RBFOX1: variants seen among roughly 807,000 people sequenced by gnomAD.
RBFOX1 encodes the protein RNA binding fox-1 homolog 1, also known as RNA binding protein fox-1 homolog 1.
In RBFOX1, 8 loss-of-function variants were observed where a neutral mutation model predicts 57.7. The ratio of observed to expected loss-of-function variants is 0.14; its 90% CI spans 0.08 to 0.25. RBFOX1 has a LOEUF of 0.25. Ranked by LOEUF, RBFOX1 falls within the 10% of genes least tolerant of loss-of-function variation. The probability of loss-of-function intolerance (pLI) is 1.00; values close to 1 mark genes in which losing one functional copy is unlikely to be tolerated. For synonymous variants in RBFOX1, 326 were observed against 222.4 expected (o/e 1.47, Z -4.15); for missense variants, 611 against 548.5 (o/e 1.11, Z -1.14).
chr16:5,466,385 G>C (rs1009137511), intron 1 of RBFOX1, among the ~76,000 whole-genome samples: 4 of 152,074 alleles, frequency 2.6e-5, no homozygotes, highest in African/African-American at 9.7e-5. Context: ...GCTGCATTTG[G>C]TGAGGGGAGG....
chr16:6,683,024 C>G (rs374023347), intron 3 of RBFOX1, among the ~76,000 whole-genome samples: 5 of 152,134 alleles, frequency 3.3e-5, no homozygotes, highest in African/African-American at 9.6e-5. Flanking sequence ...GACAGCTTCT[C>G]CATCCATATG....
intron 3 of RBFOX1, among the ~76,000 whole-genome samples, chr16:6,795,394 C>T (rs1287712116): frequency 6.6e-6 from 1 of 152,140 alleles, no homozygotes; most frequent in Non-Finnish European, 1.5e-5. Context: ...AAAAAATCAG[C>T]TCTGGGGAGT....
intron 1 of RBFOX1, among the ~76,000 whole-genome samples, chr16:5,306,824 C>T (rs1440491060): frequency 6.6e-6 from 1 of 152,162 alleles, no homozygotes; most frequent in Non-Finnish European, 1.5e-5. Flanking sequence ...CATCACATCA[C>T]AGCTGGATCA....
chr16:6,801,138 T>G (rs1207279295), intron 3 of RBFOX1, among the ~76,000 whole-genome samples: 1 of 149,690 alleles, frequency 6.7e-6, no homozygotes, highest in East Asian at 2.0e-4. Flanking sequence ...TCTGATATGC[T>G]CCTAGGTGAT....
intron 4 of RBFOX1, among the ~76,000 whole-genome samples, chr16:7,247,268 G>A (rs532867298): frequency 2.2e-4 from 33 of 152,244 alleles, no homozygotes; most frequent in Non-Finnish European, 4.3e-4. Flanking sequence ...GCCTTTAACC[G>A]CATCACACTC....
chr16:6,697,954 C>T (rs1397197723), intron 3 of RBFOX1, among the ~76,000 whole-genome samples: 1 of 152,114 alleles, frequency 6.6e-6, no homozygotes, highest in Non-Finnish European at 1.5e-5. Context: ...AGGAACCAAC[C>T]AGAGAGTTGA....
rs919833019 is a variant in RBFOX1, at chr16:7,018,439, T to A, written c.-15-33618T>A. Among the ~76,000 whole-genome samples, 16 of 152,182 alleles carry A rather than the reference T, an allele frequency of 1.1e-4. 1 individual carries two copies. The highest frequency in any genetic ancestry group is 3.9e-4 in the African/African-American group (16 of 41,452). ...TGTTCATGAATATTGTCTTAATTGCTCCTGTTTTTGAAATACAACGTCTAA... is the reference window on the plus strand; with the variant it reads ...TGTTCATGAATATTGTCTTAATTGCACCTGTTTTTGAAATACAACGTCTAA... On this transcript the variant is annotated intron_variant, in intron 3 of 15. Transcript: ENST00000550418.
At chr16:6,507,150 C>A (rs1342786692) in intron 2 of RBFOX1, among the ~76,000 whole-genome samples, 1 of 152,160 alleles carries the variant, frequency 6.6e-6, no homozygotes, top group Non-Finnish European at 1.5e-5. Flanking sequence ...CATCGTTCCT[C>A]ACCTCCACTG....
At chr16:6,788,637 A>G (rs540358318) in intron 3 of RBFOX1, among the ~76,000 whole-genome samples, 69 of 151,450 alleles carry the variant, frequency 4.6e-4, no homozygotes, top group African/African-American at 1.6e-3. Context: ...GACCATGCCC[A>G]GCTGATTGTT....
At chr16:7,341,566 C>T (rs528589453) in intron 4 of RBFOX1, among the ~76,000 whole-genome samples, 9 of 152,150 alleles carry the variant, frequency 5.9e-5, no homozygotes, top group African/African-American at 1.9e-4. Flanking sequence ...CTCAGTATGA[C>T]GTCTTCATTG....
At chr16:7,112,692 C>CTGTGTGTG (rs757846921) in intron 4 of RBFOX1, among the ~76,000 whole-genome samples, 2 of 141,394 alleles carry the variant, frequency 1.4e-5, no homozygotes, top group Non-Finnish European at 3.1e-5. Context: ...GTGGGTGTGT[C>CTGTGTGTG]TCTCTGTCTG....
intron 4 of RBFOX1, among the ~76,000 whole-genome samples, chr16:7,104,351 T>A (rs1599607436): frequency 6.6e-6 from 1 of 152,152 alleles, no homozygotes; most frequent in African/African-American, 2.4e-5. Context: ...CAGTGTAGCT[T>A]GAACATCTAC....
chr16:6,381,853 G>T (rs1214443057), intron 2 of RBFOX1, among the ~76,000 whole-genome samples: 1 of 152,336 alleles, frequency 6.6e-6, no homozygotes, highest in African/African-American at 2.4e-5. Context: ...TTCTGCACGG[G>T]CTGTTTATAG....
chr16:6,125,577 A>G (rs147254126), intron 1 of RBFOX1, among the ~76,000 whole-genome samples: 1 of 152,240 alleles, frequency 6.6e-6, no homozygotes, highest in African/African-American at 2.4e-5. Context: ...TCATTGGTCA[A>G]GGATTAAATT....
intron 3 of RBFOX1, among the ~76,000 whole-genome samples, chr16:6,694,039 T>C (rs1374096042): frequency 3.3e-5 from 5 of 152,272 alleles, no homozygotes; most frequent in Admixed American, 1.3e-4. Flanking sequence ...AGGCATGTGT[T>C]TGTCATATGT....
chr16:7,595,586 C>T lies in RBFOX1; in HGVS notation c.506C>T (p.Ala169Val). Reference protein sequence around the residue: ...GFVTFENSADADRAREKLHGT... With the variant: ...GFVTFENSADVDRAREKLHGT... ...GTAACTTTCGAAAATAGTGCCGATG[C>T]GGACAGGGCGAGGGAGAAATTACAC... The change falls in exon 8 of 16, where the codon GCG (alanine) becomes GTG (valine). Residue 169 changes from alanine to valine, a missense_variant. By Grantham distance (64) the Ala-to-Val change is moderately conservative. This residue lies in a region of RBFOX1 where 99 missense variants were observed against 160.3 expected (regional missense o/e 0.62). Transcript: ENST00000550418. 1 of 1,559,982 alleles carries T rather than the reference C, an allele frequency of 6.4e-7. No individual in the cohort carries two copies. The highest frequency in any genetic ancestry group is 8.7e-7 in the Non-Finnish European group (1 of 1,149,534).
At chr16:6,844,581 T>A (rs554376463) in intron 3 of RBFOX1, among the ~76,000 whole-genome samples, 2 of 152,150 alleles carry the variant, frequency 1.3e-5, no homozygotes, top group African/African-American at 4.8e-5. Flanking sequence ...ATCCAGTCTT[T>A]GTCATTGATG....
intron 3 of RBFOX1, among the ~76,000 whole-genome samples, chr16:5,864,859 C>A (rs1015514771): frequency 3.9e-5 from 6 of 152,212 alleles, no homozygotes; most frequent in Admixed American, 6.5e-5. Flanking sequence ...CCCTGCCACT[C>A]CCTACTGTCT....
chr16:6,822,911 G>T (rs59831294), intron 3 of RBFOX1, among the ~76,000 whole-genome samples: 1 of 152,156 alleles, frequency 6.6e-6, no homozygotes, highest in Non-Finnish European at 1.5e-5. Flanking sequence ...TAACAAGTGC[G>T]TGCTGCTGCA....
Sources: allele counts gnomAD v4.1 joint callset (sites outside exome capture counted in the v4.1 genomes callset), GRCh38; gene constraint gnomAD v4.1.1; regional missense constraint gnomAD v4.1.1; transcripts MANE v1.5; gene names NCBI Gene and HGNC (gene_info 2026-07-23, HGNC 2026-07-21).